Variants in OR4N2 observed in about 807,000 individuals in gnomAD.
OR4N2 encodes the protein olfactory receptor family 4 subfamily N member 2, also known as olfactory receptor 4N2.
For missense variants in OR4N2, 307 were observed against 377.6 expected (o/e 0.81, Z 1.55); for synonymous variants, 141 against 140.4 (o/e 1.00, Z -0.03).
chr14:19,816,215 G>A (rs1314941446), intron 1 of OR4N2, among the ~76,000 whole-genome samples: 6 of 152,182 alleles, frequency 3.9e-5, no homozygotes, highest in South Asian at 2.1e-4. Context: ...ATTTAAAGTC[G>A]TTTTTTCTAA....
chr14:19,813,993 AC>A (rs1879365917), intron 1 of OR4N2, among the ~76,000 whole-genome samples: 1 of 150,580 alleles, frequency 6.6e-6, no homozygotes, highest in Non-Finnish European at 1.5e-5. Context: ...TTCTACTCTT[AC>A]ACTTTGTTTT....
Position 19,813,787 on chromosome 14 carries a change from C to T in OR4N2, c.-10+9943C>T, listed in dbSNP as rs188883596. On this transcript the variant is annotated intron_variant, in intron 1 of 1. Transcript: ENST00000557677. ...TCTGAATTCCTTGGATAAGGAATTT[C>T]GCCTCTGGATGGTCTTGCTCTCCTT... Among the ~76,000 whole-genome samples, 991 of 151,584 alleles carry T rather than the reference C, an allele frequency of 6.5e-3. 1 individual carries two copies. The highest frequency in any genetic ancestry group is 8.3e-3 in the Non-Finnish European group (563 of 67,796).
chr14:19,814,665 T>G (rs1208669055), intron 1 of OR4N2, among the ~76,000 whole-genome samples: 2 of 152,210 alleles, frequency 1.3e-5, no homozygotes, highest in African/African-American at 4.8e-5. Context: ...TAAATAATAT[T>G]GGTGAAGTCT....
chr14:19,817,469 T>G (rs1388792492), intron 1 of OR4N2, among the ~76,000 whole-genome samples: 1 of 152,266 alleles, frequency 6.6e-6, no homozygotes, highest in Non-Finnish European at 1.5e-5. Context: ...ATTTTCTAGT[T>G]TATTTGTGTA....
chr14:19,823,413 T>A (rs576599590), intron 1 of OR4N2, among the ~76,000 whole-genome samples: 53 of 152,324 alleles, frequency 3.5e-4, no homozygotes, highest in Middle Eastern at 3.4e-3. Context: ...CACTTAAAAG[T>A]AAATGGTTAT....
intron 1 of OR4N2, among the ~76,000 whole-genome samples, chr14:19,811,332 T>C (rs528887471): frequency 1.9e-3 from 289 of 152,304 alleles, no homozygotes; most frequent in African/African-American, 6.5e-3. Flanking sequence ...CTGCAAGTTC[T>C]GCCTCCTGGG....
chr14:19,828,121 A>AT lies in OR4N2; in HGVS notation c.674dup (p.Arg226ThrfsTer6). 6.2e-7 allele frequency: 1 copy of AT among 1,614,228 alleles called. No individual in the cohort carries two copies. The highest frequency in any genetic ancestry group is 1.1e-5 in the South Asian group (1 of 91,084). ...CTCCTATGCAGTCATTCTTTGTCGCATACGAGGGTCTTCTTCTGAGGCAAA... is the reference window on the plus strand; with the variant it reads ...CTCCTATGCAGTCATTCTTTGTCGCATTACGAGGGTCTTCTTCTGAGGCAAA... On this transcript the variant is annotated frameshift_variant, in exon 2 of 2. Coordinates refer to ENST00000557677, the MANE Select transcript of OR4N2 (RefSeq NM_001004723.3). LOFTEE classifies it low-confidence loss of function (END_TRUNC).
At chr14:19,822,159 G>A (rs1418030589) in intron 1 of OR4N2, 2 of 152,300 alleles carry the variant, frequency 1.3e-5, no homozygotes, top group Non-Finnish European at 2.9e-5. Flanking sequence ...GGGGCACTAT[G>A]TACTCTCTCT....
intron 1 of OR4N2, among the ~76,000 whole-genome samples, chr14:19,807,588 T>A (rs1879196142): frequency 1.3e-5 from 2 of 151,690 alleles, no homozygotes; most frequent in African/African-American, 4.8e-5. Flanking sequence ...GAATCAATAA[T>A]AAAAAAAGCC....
chr14:19,814,380 A>G (rs1319145672), intron 1 of OR4N2, among the ~76,000 whole-genome samples: 2 of 152,214 alleles, frequency 1.3e-5, no homozygotes, highest in African/African-American at 4.8e-5. Flanking sequence ...CTCTAAGAAT[A>G]ATTATGCAAC....
At chr14:19,810,379 C>A (rs1473495210) in intron 1 of OR4N2, among the ~76,000 whole-genome samples, 1 of 152,232 alleles carries the variant, frequency 6.6e-6, no homozygotes, top group Non-Finnish European at 1.5e-5. Context: ...AACACTTATA[C>A]ACTGCTGGTG....
chr14:19,818,796 G>T (rs914748874), intron 1 of OR4N2, among the ~76,000 whole-genome samples: 1 of 152,206 alleles, frequency 6.6e-6, no homozygotes, highest in Non-Finnish European at 1.5e-5. Flanking sequence ...TTACAATTTG[G>T]TATGTTTTTG....
intron 1 of OR4N2, among the ~76,000 whole-genome samples, chr14:19,804,617 T>C (rs920955423): frequency 6.6e-6 from 1 of 152,232 alleles, no homozygotes; most frequent in Non-Finnish European, 1.5e-5. Flanking sequence ...TTATGATCGA[T>C]TGTGTGGCTG....
chr14:19,827,061 A>C (rs1879717287), intron 1 of OR4N2, among the ~76,000 whole-genome samples: 1 of 152,260 alleles, frequency 6.6e-6, no homozygotes, highest in Non-Finnish European at 1.5e-5. Context: ...GCTAACCCTC[A>C]AGCATAGTAT....
intron 1 of OR4N2, among the ~76,000 whole-genome samples, chr14:19,819,858 T>C (rs535852230): frequency 3.3e-5 from 5 of 152,372 alleles, no homozygotes; most frequent in Non-Finnish European, 7.3e-5. Flanking sequence ...TGACCTTCAG[T>C]TGGGGTTTTT....
chr14:19,814,788 A>G (rs1015161638), intron 1 of OR4N2, among the ~76,000 whole-genome samples: 1 of 152,224 alleles, frequency 6.6e-6, no homozygotes, highest in African/African-American at 2.4e-5. Flanking sequence ...TGTCACCTAC[A>G]TTAGGTATTT....
In OR4N2 at chr14:19,827,833, C is replaced by G. The variant is rs780697890; in HGVS notation, c.385C>G (p.Pro129Ala). The G allele has an allele frequency of 1.9e-6, 3 of 1,614,238 alleles. No homozygotes were observed. The highest frequency in any genetic ancestry group is 1.7e-6 in the Non-Finnish European group (2 of 1,180,034). The change falls in exon 2 of 2, where the codon CCT becomes GCT. Residue 129 changes from proline (P) to alanine (A), a missense_variant. Physicochemically the swap from Pro to Ala is conservative, Grantham distance 27. Coordinates refer to ENST00000557677, the MANE Select transcript of OR4N2 (RefSeq NM_001004723.3). Reference protein sequence around the residue: ...AFDRYIAICRPLHYPTVMNPR... With the variant: ...AFDRYIAICRALHYPTVMNPR... ...TGACCGCTACATCGCCATCTGCCGG[C>G]CTCTGCACTATCCTACTGTCATGAA...
At chr14:19,814,112 T>C (rs1250571420) in intron 1 of OR4N2, among the ~76,000 whole-genome samples, 1 of 152,122 alleles carries the variant, frequency 6.6e-6, no homozygotes, top group Non-Finnish European at 1.5e-5. Flanking sequence ...AACTCAGTGT[T>C]TTCTCTAAAG....
intron 1 of OR4N2, among the ~76,000 whole-genome samples, chr14:19,805,708 G>A (rs1175931545): frequency 2.0e-5 from 3 of 152,130 alleles, no homozygotes; most frequent in East Asian, 3.9e-4. Flanking sequence ...TTGCTAGAGA[G>A]GATGATATGC....
Sources: gnomAD v4.1 joint callset for allele counts (sites outside exome capture counted in the v4.1 genomes callset) on GRCh38, gnomAD v4.1.1 for gene constraint, MANE v1.5 for transcripts, NCBI Gene and HGNC (gene_info 2026-07-23, HGNC 2026-07-21) for gene names.